SPATA7: variants seen among roughly 807,000 people sequenced by gnomAD.
SPATA7 encodes spermatogenesis associated 7.
In SPATA7, 43 loss-of-function variants were observed where a neutral mutation model predicts 51.8. The ratio of observed to expected loss-of-function variants is 0.83; its 90% CI spans 0.65 to 1.07. The LOEUF (loss-of-function observed/expected upper bound fraction) is 1.07, where lower values mean the gene tolerates loss of function less well. SPATA7 is among the 50% of genes least tolerant of loss of function. The pLI, the probability that SPATA7 is intolerant of heterozygous loss-of-function variation, is 0.00. For synonymous variants in SPATA7, 230 were observed against 252.8 expected (o/e 0.91, Z 0.86); for missense variants, 683 against 701.3 (o/e 0.97, Z 0.30).
chr14:88,469,953 A>G lies in SPATA7; in HGVS notation c.*86A>G. ...TGCTGTCACCATTGCTATAATTGCA[A>G]TTCCCTGTTCCCATACCATCTGCCA... On this transcript the variant is annotated 3_prime_UTR_variant, in exon 5 of 5. Transcript: ENST00000556406. The surrounding 1 kb of genome is among the most constrained non-coding windows in gnomAD (Gnocchi z 4.3). 1 of 1,614,078 alleles carries G rather than the reference A, an allele frequency of 6.2e-7. No individual in the cohort carries two copies. The highest frequency in any genetic ancestry group is 8.5e-7 in the Non-Finnish European group (1 of 1,180,010).
chr14:88,462,238 A>G (rs763884956), intron 4 of SPATA7, among the ~76,000 whole-genome samples: 55 of 152,316 alleles, frequency 3.6e-4, no homozygotes, highest in South Asian at 2.1e-4. Flanking sequence ...GACCTGTAAT[A>G]TCTGTATCTT....
chr14:88,457,716 A>C (rs1420992971), downstream of SPATA7, among the ~76,000 whole-genome samples: 9 of 152,102 alleles, frequency 5.9e-5, no homozygotes, highest in Non-Finnish European at 1.2e-4. Flanking sequence ...AATACCCTTT[A>C]TTTCTTTCTC....
intron 4 of SPATA7, among the ~76,000 whole-genome samples, chr14:88,408,866 C>A (rs2076265345): frequency 6.6e-6 from 1 of 152,028 alleles, no homozygotes; most frequent in Admixed American, 6.6e-5. Flanking sequence ...TTGAGGTAAT[C>A]CTGTGGTTTT....
In SPATA7 at chr14:88,426,219, C is replaced by T. The variant is rs748194260; in HGVS notation, c.373-13C>T. ...GTAATGCAGTTGATGACTGTCATAT[C>T]GAATGTTCTTAGCCCTCAGGCGAAC... On this transcript the variant is annotated splice_polypyrimidine_tract_variant and intron_variant, in intron 5 of 11. Coordinates refer to ENST00000393545, the MANE Select transcript of SPATA7 (RefSeq NM_018418.5). 1.6e-5 allele frequency: 25 copies of T among 1,590,268 alleles called. No individual in the cohort carries two copies. Among genetic ancestry groups the T allele is most frequent in the East Asian group, 2.2e-5 (1 of 44,668 alleles).
intron 4 of SPATA7, among the ~76,000 whole-genome samples, chr14:88,403,217 G>T (rs948518805): frequency 3.3e-5 from 5 of 152,142 alleles, no homozygotes; most frequent in African/African-American, 1.2e-4. Context: ...GTGCACTGTT[G>T]CTAGGAATGT....
chr14:88,460,102 T>G (rs529498122), downstream of SPATA7, among the ~76,000 whole-genome samples: 14 of 152,354 alleles, frequency 9.2e-5, 1 homozygote, highest in East Asian at 2.3e-3. Flanking sequence ...GGTCTTCCCT[T>G]TGTGGGTAAC....
intron 1 of SPATA7, among the ~76,000 whole-genome samples, chr14:88,389,058 C>T (rs757839067): frequency 2.6e-5 from 4 of 151,956 alleles, no homozygotes; most frequent in Non-Finnish European, 5.9e-5. Flanking sequence ...AAAATGTTAA[C>T]TTTTCAACAA....
rs145419273 is a variant in SPATA7, at chr14:88,395,416, G to A, written c.191-740G>A. On this transcript the variant is annotated intron_variant, in intron 3 of 11. Coordinates refer to ENST00000393545, the MANE Select transcript of SPATA7 (RefSeq NM_018418.5). ...TTTGTGACATGAAAATCGTGAAGTC[G>A]TTTAGTTTTTTAGTTTTATAAACTA... Among the ~76,000 whole-genome samples the A allele has an allele frequency of 7.6e-3, 1,158 of 151,946 alleles. 15 individuals are homozygous for A. The highest frequency in any genetic ancestry group is 0.026 in the African/African-American group (1,095 of 41,482).
At chr14:88,385,904 G>T (rs2075558571) in intron 1 of SPATA7, 67 bp downstream of exon 1, 1 of 1,550,048 alleles carries the variant, frequency 6.5e-7, no homozygotes, top group African/African-American at 1.4e-5. Flanking sequence ...CCCAGCCTCG[G>T]GTCCGGGCAG....
chr14:88,412,221 G>A (rs2076359641), intron 4 of SPATA7, among the ~76,000 whole-genome samples: 1 of 140,820 alleles, frequency 7.1e-6, no homozygotes, highest in Non-Finnish European at 1.5e-5. Context: ...TTTTCTTCTT[G>A]CTTTTTTTTT....
chr14:88,457,256 G>A (rs2077290070), downstream of SPATA7, among the ~76,000 whole-genome samples: 2 of 152,108 alleles, frequency 1.3e-5, no homozygotes, highest in Non-Finnish European at 2.9e-5. Flanking sequence ...TTCCAGTTCT[G>A]TGAAGAAAGT....
At chr14:88,433,288 A>C in intron 10 of SPATA7, 76 bp downstream of exon 10, 3 of 1,064,554 alleles carry the variant, frequency 2.8e-6, no homozygotes, top group Non-Finnish European at 4.2e-6. Context: ...ATGATGTTAA[A>C]ATTTTAAAGT....
chr14:88,462,030 T>G (rs1035452536), intron 4 of SPATA7, among the ~76,000 whole-genome samples: 78 of 152,314 alleles, frequency 5.1e-4, no homozygotes, highest in African/African-American at 1.9e-3. Context: ...GCACTGGTAT[T>G]ATTTCAGTAA....
downstream of SPATA7, among the ~76,000 whole-genome samples, chr14:88,440,930 A>T (rs1001012177): frequency 1.3e-5 from 2 of 152,024 alleles, no homozygotes; most frequent in African/African-American, 4.8e-5. Flanking sequence ...CCCAGCACCT[A>T]AGCAGTGTAC....
At chr14:88,461,055 AT>A (rs968562673) in intron 4 of SPATA7, among the ~76,000 whole-genome samples, 9 of 152,130 alleles carry the variant, frequency 5.9e-5, no homozygotes, top group Non-Finnish European at 7.3e-5. Context: ...TTGCTGCCTG[AT>A]CGTTCCTCTG....
chr14:88,468,397 G>A, intron 4 of SPATA7: 1 of 865,314 alleles, frequency 1.2e-6, no homozygotes, highest in South Asian at 2.0e-5. Context: ...GCGTCTTCTA[G>A]AAATAAGCCA....
At chr14:88,420,598 C>T (rs1285478682) in intron 5 of SPATA7, among the ~76,000 whole-genome samples, 1 of 152,070 alleles carries the variant, frequency 6.6e-6, no homozygotes, top group Middle Eastern at 3.4e-3. Context: ...ATTTTGAAAA[C>T]CTTAGCATTT....
At chr14:88,395,798 G>A (rs1175407029) in intron 3 of SPATA7, among the ~76,000 whole-genome samples, 1 of 152,044 alleles carries the variant, frequency 6.6e-6, no homozygotes, top group Non-Finnish European at 1.5e-5. Flanking sequence ...TAAGCCCCAT[G>A]CCACACTGCC....
chr14:88,467,847 G>C lies in SPATA7; in HGVS notation c.255-2000G>C, dbSNP rs2077389002. 13 of 342,202 alleles carry C rather than the reference G, an allele frequency of 3.8e-5. No individual in the cohort carries two copies. The South Asian group carries it at 4.2e-4, about 11-fold the overall frequency. 21.2% of individuals were successfully genotyped at this position (342,202 alleles called of 1,614,324 possible). A position where few individuals can be genotyped will look rare whatever the true frequency, so the allele number is the denominator to read the frequency against. On this transcript the variant is annotated intron_variant, in intron 4 of 4. Transcript: ENST00000556406. ...CTTCAGTAAAATAGAGAATTGTCTA[G>C]AAAATACAATCTCCAAAATGTGTGC...
Sources: gnomAD v4.1 joint callset for allele counts (sites outside exome capture counted in the v4.1 genomes callset) on GRCh38, gnomAD v4.1.1 for gene constraint, Gnocchi (gnomAD v3.1) non-coding constraint, MANE v1.5 for transcripts, NCBI Gene and HGNC (gene_info 2026-07-23, HGNC 2026-07-21) for gene names.